The following SIPA1L3 variants were observed in gnomAD, a reference collection of about 807,000 sequenced individuals.
SIPA1L3 encodes the protein signal induced proliferation associated 1 like 3, also known as signal-induced proliferation-associated 1-like protein 3.
In SIPA1L3, 59 loss-of-function variants were observed where a neutral mutation model predicts 150.1. The observed-to-expected ratio is 0.39, with a 90% CI of 0.32 to 0.49. The LOEUF (loss-of-function observed/expected upper bound fraction) is 0.49. Among genes scored for constraint, SIPA1L3 ranks in the 20% least tolerant of loss-of-function variants. The pLI is 0.86. For synonymous variants in SIPA1L3, 1,070 were observed against 1,077.6 expected (o/e 0.99, Z 0.14); for missense variants, 2,211 against 2,489.5 (o/e 0.89, Z 2.38).
intron 1 of SIPA1L3, among the ~76,000 whole-genome samples, chr19:37,947,171 G>T (rs1327740414): frequency 1.3e-5 from 2 of 151,726 alleles, no homozygotes; most frequent in African/African-American, 4.8e-5. Context: ...TCCAGCCTGG[G>T]CAACAGAGTG....
chr19:38,044,751 G>T (rs572692420), intron 2 of SIPA1L3, among the ~76,000 whole-genome samples: 1 of 152,274 alleles, frequency 6.6e-6, no homozygotes, highest in African/African-American at 2.4e-5. Context: ...GGTCGTCACT[G>T]TGGAGTATGG....
intron 2 of SIPA1L3, among the ~76,000 whole-genome samples, chr19:38,062,954 C>CA (rs1969482682): frequency 6.6e-6 from 1 of 152,146 alleles, no homozygotes; most frequent in South Asian, 2.1e-4. Flanking sequence ...CATGAGTTGT[C>CA]ACGAGGGCAG....
intron 8 of SIPA1L3, among the ~76,000 whole-genome samples, chr19:38,111,804 T>TCTGAG: frequency 6.6e-6 from 1 of 152,316 alleles, no homozygotes; most frequent in East Asian, 1.9e-4. Context: ...AGCTACAGAG[T>TCTGAG]GCCTGCACCT....
At chr19:38,100,263 C>A in intron 5 of SIPA1L3, 113 bp downstream of exon 5, 1 of 826,632 alleles carries the variant, frequency 1.2e-6, no homozygotes, top group South Asian at 2.2e-5. Flanking sequence ...TAACAGAAAC[C>A]TACTTAAGCT....
chr19:38,129,977 G>A (rs939746005), intron 9 of SIPA1L3, among the ~76,000 whole-genome samples: 54 of 151,942 alleles, frequency 3.6e-4, no homozygotes, highest in African/African-American at 1.3e-3. Context: ...TGAGGCAGGA[G>A]AATCGCTTGA....
intron 1 of SIPA1L3, among the ~76,000 whole-genome samples, chr19:37,922,800 T>G (rs2046468297): frequency 6.6e-6 from 1 of 151,972 alleles, no homozygotes. Flanking sequence ...GGGGCTCACC[T>G]TCAAGTGGAA....
chr19:38,181,198 A>G (rs181259867), intron 15 of SIPA1L3, among the ~76,000 whole-genome samples: 58 of 152,240 alleles, frequency 3.8e-4, no homozygotes, highest in African/African-American at 1.4e-3. Flanking sequence ...TGTTTGGTCA[A>G]TTTTCGGAGT....
intron 12 of SIPA1L3, among the ~76,000 whole-genome samples, chr19:38,148,153 C>T (rs1378206661): frequency 1.3e-5 from 2 of 151,784 alleles, no homozygotes; most frequent in East Asian, 1.9e-4. Flanking sequence ...GAGTTCGAGA[C>T]CAGCCTGGCC....
intron 1 of SIPA1L3, among the ~76,000 whole-genome samples, chr19:37,991,606 C>T (rs1967510688): frequency 6.6e-6 from 1 of 152,214 alleles, no homozygotes; most frequent in Non-Finnish European, 1.5e-5. Flanking sequence ...TCAGTGGGCC[C>T]ATTGTGCAGA....
chr19:37,916,678 G>A (rs1003261439), intron 1 of SIPA1L3, among the ~76,000 whole-genome samples: 1 of 151,854 alleles, frequency 6.6e-6, no homozygotes, highest in Non-Finnish European at 1.5e-5. Context: ...TATAACGTGG[G>A]GCCGAGCGCG....
rs1187535283 is a variant in SIPA1L3, at chr19:38,000,908, A to ATGT, written c.-378-28180_-378-28179insGTT. 3.2e-4 allele frequency among the ~76,000 whole-genome samples: 37 copies of ATGT among 114,088 alleles called. No homozygotes were observed. In the East Asian group the frequency reaches 4.6e-3, roughly 14 times the overall value. The allele number at this position is 114,088 out of a possible 152,430, so 74.8% of individuals were successfully genotyped here. Reference sequence around the variant, plus strand: ...ATATATATATGTTATATATATATATATAACATATATATAACATATATATAA... The same window carrying ATGT: ...ATATATATATGTTATATATATATATATGTTAACATATATATAACATATATATAA... On this transcript the variant is annotated intron_variant, in intron 1 of 21. Transcript: ENST00000222345.
At chr19:38,102,297 G>A (rs1427065699) in intron 6 of SIPA1L3, among the ~76,000 whole-genome samples, 1 of 144,052 alleles carries the variant, frequency 6.9e-6, no homozygotes, top group African/African-American at 2.6e-5. Context: ...TGCCCACCTC[G>A]GCCTCCCAAA....
intron 1 of SIPA1L3, among the ~76,000 whole-genome samples, chr19:38,014,709 G>A (rs933399358): frequency 2.7e-5 from 4 of 146,010 alleles, no homozygotes; most frequent in South Asian, 2.2e-4. Flanking sequence ...TTGCTCTGTC[G>A]CCCAGGCTGG....
intron 9 of SIPA1L3, among the ~76,000 whole-genome samples, chr19:38,126,538 ATTCTTTTTT>A (rs1971177005): frequency 6.7e-6 from 1 of 150,130 alleles, no homozygotes; most frequent in African/African-American, 2.5e-5. Flanking sequence ...GCCCAAGACA[ATTCTTTTTT>A]TTTTTCTTTA....
intron 4 of SIPA1L3, among the ~76,000 whole-genome samples, chr19:38,094,130 G>T (rs1208006903): frequency 6.6e-6 from 1 of 152,130 alleles, no homozygotes; most frequent in Non-Finnish European, 1.5e-5. Context: ...TCATTATTAA[G>T]AACTTAGACA....
intron 3 of SIPA1L3, among the ~76,000 whole-genome samples, chr19:38,084,277 C>T (rs545150533): frequency 2.0e-5 from 3 of 152,262 alleles, no homozygotes; most frequent in Admixed American, 2.0e-4. Context: ...AGTCAACCCC[C>T]TTATGCCCTT....
Position 38,088,786 on chromosome 19 carries a change from A to C in SIPA1L3, c.1600A>C (p.Lys534Gln). 6.2e-7 allele frequency: 1 copy of C among 1,614,092 alleles called. No homozygotes were observed. The highest frequency in any genetic ancestry group is 1.7e-4 in the Middle Eastern group (1 of 6,060). The part of the protein sequence containing the change: ...GPVAVSIKRE[K>Q]LEDHKEHGPQ... ...AGTGGCTGTGAGCATTAAGCGGGAG[A>C]AGCTGGAAGACCACAAGGAGCACGG... Residue 534 changes from lysine (K) to glutamine (Q), a missense_variant, in exon 4 of 22, where the codon AAG becomes CAG. By Grantham distance (53) the Lys-to-Gln change is moderately conservative. Coordinates refer to ENST00000222345, the MANE Select transcript of SIPA1L3 (RefSeq NM_015073.3).
rs561702179 is a variant in SIPA1L3 at position 38,189,582 on chromosome 19, G to A, written c.4431-2563G>A. On this transcript the variant is annotated intron_variant, in intron 16 of 21. Transcript: ENST00000222345. Reference sequence around the variant, plus strand: ...GGAGTTCAAGACCAGCCTGGCCAACGTGGTGAAACCCTGTCTCTACTAAAA... The same window carrying A: ...GGAGTTCAAGACCAGCCTGGCCAACATGGTGAAACCCTGTCTCTACTAAAA... 7.6e-4 allele frequency among the ~76,000 whole-genome samples: 116 copies of A among 152,098 alleles called. 2 individuals are homozygous for A. Among genetic ancestry groups the A allele is most frequent in the African/African-American group, 2.5e-3 (103 of 41,488 alleles).
In SIPA1L3 at chr19:38,119,655, G is replaced by A. The variant is rs1752975050; in HGVS notation, c.2641G>A (p.Ala881Thr). The A allele has an allele frequency of 3.7e-6, 6 of 1,614,190 alleles. No individual in the cohort carries two copies. The highest frequency in any genetic ancestry group is 3.4e-6 in the Non-Finnish European group (4 of 1,180,024). ...CTGGAGGGTGGTGGCCCAGGACTACGCCCAGGGGGTGGAAATCGACTGCAT... is the reference window on the plus strand; with the variant it reads ...CTGGAGGGTGGTGGCCCAGGACTACACCCAGGGGGTGGAAATCGACTGCAT... ...IAWRVVAQDYAQGVEIDCILG... is the reference protein window; with the variant it reads ...IAWRVVAQDYTQGVEIDCILG... Residue 881 changes from alanine (A) to threonine (T), a missense_variant, in exon 9 of 22, where the codon GCC becomes ACC. Ala to Thr is a moderately conservative substitution (Grantham distance 58, BLOSUM62 0). This residue lies in a region of SIPA1L3 where 625 missense variants were observed against 804.2 expected (regional missense o/e 0.78). Coordinates refer to ENST00000222345, the MANE Select transcript of SIPA1L3 (RefSeq NM_015073.3).
Sources: allele counts gnomAD v4.1 joint callset (sites outside exome capture counted in the v4.1 genomes callset), GRCh38; gene constraint gnomAD v4.1.1; regional missense constraint gnomAD v4.1.1; transcripts MANE v1.5; gene names NCBI Gene and HGNC (gene_info 2026-07-23, HGNC 2026-07-21).